Variants in FGF12 observed in about 807,000 individuals in gnomAD.
The protein encoded by FGF12 is fibroblast growth factor 12.
A neutral mutation model predicts 23.6 loss-of-function variants in FGF12; 14 were observed. That is an observed-to-expected ratio of 0.59 (90% confidence interval 0.39 to 0.93). FGF12 has a LOEUF of 0.93. Among genes scored for constraint, FGF12 ranks in the 40% least tolerant of loss-of-function variants. The probability of loss-of-function intolerance (pLI) is 0.00; values close to 1 mark genes in which losing one functional copy is unlikely to be tolerated. For synonymous variants in FGF12, 62 were observed against 77.3 expected (o/e 0.80, Z 1.04); for missense variants, 175 against 217.8 (o/e 0.80, Z 1.24).
At chr3:192,543,130 G>A (rs1024652632) in intron 2 of FGF12, among the ~76,000 whole-genome samples, 1 of 128,010 alleles carries the variant, frequency 7.8e-6, no homozygotes, top group Non-Finnish European at 1.7e-5. Context: ...GTCTAGCGAT[G>A]TTTTTCAGAA....
chr3:192,147,441 A>G (rs750370729), intron 5 of FGF12, among the ~76,000 whole-genome samples: 4 of 152,204 alleles, frequency 2.6e-5, no homozygotes, highest in Non-Finnish European at 5.9e-5. Context: ...TGCTATTCTG[A>G]ATGTACATGG....
rs1305282543 is a variant in FGF12 at position 192,409,036 on chromosome 3, C to T, written c.14-48498G>A. 5.1e-6 allele frequency: 5 copies of T among 977,260 alleles called. No homozygotes were observed. The highest frequency in any genetic ancestry group is 4.8e-5 in the South Asian group (1 of 20,946). The allele number at this position is 977,260 out of a possible 1,614,324, so 60.5% of individuals were successfully genotyped here. A position where few individuals can be genotyped will look rare whatever the true frequency, so the allele number is the denominator to read the frequency against. The stretch of plus-strand genomic sequence containing the variant: ...TTCCAGCTGCGGTGAGAGCAACTCC[C>T]GGCCAGCAGCACTGCAAAGAGAGCG... On this transcript the variant is annotated intron_variant, in intron 2 of 5. Coordinates refer to ENST00000445105, the MANE Select transcript of FGF12 (RefSeq NM_004113.6). This position sits in a 1 kb window ranked among gnomAD's most constrained non-coding sequence, Gnocchi z 4.8.
At chr3:192,636,294 T>C (rs1198749026) in intron 2 of FGF12, among the ~76,000 whole-genome samples, 1 of 152,226 alleles carries the variant, frequency 6.6e-6, no homozygotes, top group African/African-American at 2.4e-5. Context: ...TGTTTGAAAT[T>C]AAATAAAAGT....
At chr3:192,207,812 G>T (rs1717732577) in intron 4 of FGF12, among the ~76,000 whole-genome samples, 1 of 152,104 alleles carries the variant, frequency 6.6e-6, no homozygotes, top group African/African-American at 2.4e-5. Context: ...GAGAGAAACT[G>T]GTGTCAAGAC....
intron 2 of FGF12, among the ~76,000 whole-genome samples, chr3:192,456,798 G>A (rs1722695125): frequency 6.6e-6 from 1 of 152,104 alleles, no homozygotes; most frequent in South Asian, 2.1e-4. Context: ...GTGAATAGAG[G>A]TAGTACTATG....
chr3:192,250,320 C>G (rs1317709256), intron 4 of FGF12, among the ~76,000 whole-genome samples: 1 of 151,974 alleles, frequency 6.6e-6, no homozygotes, highest in African/African-American at 2.4e-5. Flanking sequence ...TAAGTGTACA[C>G]TAAGGAAAAA....
intron 2 of FGF12, among the ~76,000 whole-genome samples, chr3:192,554,642 A>G (rs1417294645): frequency 6.6e-6 from 1 of 152,158 alleles, no homozygotes; most frequent in African/African-American, 2.4e-5. Flanking sequence ...TCCCAACACA[A>G]AGTTATAAGG....
chr3:192,297,425 A>G (rs940651702), intron 4 of FGF12, among the ~76,000 whole-genome samples: 13 of 138,928 alleles, frequency 9.4e-5, no homozygotes, highest in Non-Finnish European at 1.7e-4. Flanking sequence ...AGTATGCAAT[A>G]TAATTATTTT....
intron 2 of FGF12, among the ~76,000 whole-genome samples, chr3:192,657,105 G>A (rs1451386989): frequency 1.3e-5 from 2 of 149,708 alleles, no homozygotes; most frequent in African/African-American, 4.9e-5. Flanking sequence ...CTGAGTTGAG[G>A]TTTTTTTTTT....
At chr3:192,226,005 T>TGAAAA (rs1305561164) in intron 4 of FGF12, among the ~76,000 whole-genome samples, 1 of 152,118 alleles carries the variant, frequency 6.6e-6, no homozygotes, top group Admixed American at 6.6e-5. Context: ...TTGGGGGTGA[T>TGAAAA]GAAAACCTTC....
At chr3:192,442,056 T>C (rs1166390276) in intron 2 of FGF12, among the ~76,000 whole-genome samples, 4 of 152,210 alleles carry the variant, frequency 2.6e-5, no homozygotes, top group East Asian at 1.9e-4. Flanking sequence ...AATTAGAGCA[T>C]TGTTGAGTGA....
chr3:192,288,116 C>G (rs1307722601), intron 4 of FGF12, among the ~76,000 whole-genome samples: 1 of 151,980 alleles, frequency 6.6e-6, no homozygotes, highest in African/African-American at 2.4e-5. Flanking sequence ...TCACTATAGG[C>G]ATAACTTTGG....
chr3:192,640,673 T>C (rs1715758425), intron 2 of FGF12, among the ~76,000 whole-genome samples: 1 of 152,346 alleles, frequency 6.6e-6, no homozygotes, highest in East Asian at 1.9e-4. Context: ...AAATTTTGGT[T>C]GGTAAAAGTT....
intron 4 of FGF12, among the ~76,000 whole-genome samples, chr3:192,331,597 G>A (rs1041989982): frequency 2.0e-5 from 3 of 152,036 alleles, no homozygotes; most frequent in African/African-American, 7.2e-5. Flanking sequence ...GTTACAAAAT[G>A]CACAAATACT....
At chr3:192,591,287 G>GCACTCTTA (rs1439811423) in intron 2 of FGF12, among the ~76,000 whole-genome samples, 5 of 151,090 alleles carry the variant, frequency 3.3e-5, no homozygotes, top group Admixed American at 1.3e-4. Flanking sequence ...ACCAGTTGGA[G>GCACTCTTA]CACTCTTACA....
chr3:192,713,848 GT>G (rs1718773869), intron 2 of FGF12, among the ~76,000 whole-genome samples: 1 of 152,182 alleles, frequency 6.6e-6, no homozygotes, highest in African/African-American at 2.4e-5. Context: ...TCCTGGAGCA[GT>G]TTTAAGTGTT....
chr3:192,209,623 CA>C (rs1482604674), intron 4 of FGF12, among the ~76,000 whole-genome samples: 4 of 152,104 alleles, frequency 2.6e-5, no homozygotes, highest in Admixed American at 6.5e-5. Flanking sequence ...AATGATGATG[CA>C]AATAAGAATA....
intron 2 of FGF12, among the ~76,000 whole-genome samples, chr3:192,593,120 G>C (rs1055306289): frequency 3.3e-5 from 5 of 151,680 alleles, no homozygotes; most frequent in Non-Finnish European, 5.9e-5. Flanking sequence ...ATCCTTCATT[G>C]GTTTCCCCTT....
At chr3:192,181,195 G>A (rs147723754) in intron 4 of FGF12, among the ~76,000 whole-genome samples, 119 of 152,096 alleles carry the variant, frequency 7.8e-4, no homozygotes, top group African/African-American at 2.7e-3. Flanking sequence ...ATAAACTTCC[G>A]GGCAAGTCAG....
Sources: allele counts gnomAD v4.1 joint callset (sites outside exome capture counted in the v4.1 genomes callset), GRCh38; gene constraint gnomAD v4.1.1; non-coding constraint Gnocchi (gnomAD v3.1); transcripts MANE v1.5; gene names NCBI Gene and HGNC (gene_info 2026-07-23, HGNC 2026-07-21).